Variants in DNAJB12 observed in about 807,000 individuals in gnomAD.
The protein encoded by DNAJB12 is dnaJ homolog subfamily B member 12.
Under a neutral mutation model 40.6 loss-of-function variants are expected in DNAJB12, and 14 were observed. That is an observed-to-expected ratio of 0.34 (90% CI 0.23 to 0.54). DNAJB12 has a LOEUF of 0.54. Among genes scored for constraint, DNAJB12 ranks in the 20% least tolerant of loss-of-function variants. The probability of loss-of-function intolerance (pLI) is 0.92; values close to 1 mark genes in which losing one functional copy is unlikely to be tolerated. For missense variants in DNAJB12, 444 were observed against 501.7 expected (o/e 0.89, Z 1.10); for synonymous variants, 181 against 199.5 (o/e 0.91, Z 0.78).
intron 3 of DNAJB12, among the ~76,000 whole-genome samples, chr10:72,341,842 C>T (rs1236005649): frequency 6.6e-6 from 1 of 152,222 alleles, no homozygotes; most frequent in African/African-American, 2.4e-5. Context: ...AGAGAAGTGA[C>T]TGCCTAAGCT....
intron 1 of DNAJB12, among the ~76,000 whole-genome samples, chr10:72,350,853 G>C (rs957580684): frequency 1.2e-4 from 19 of 152,302 alleles, no homozygotes; most frequent in East Asian, 3.9e-4. Context: ...AGTGCACAGT[G>C]GGGCTCATGA....
chr10:72,334,419 G>T lies in DNAJB12; in HGVS notation c.*229C>A. 1 of 803,124 alleles carries T rather than the reference G, an allele frequency of 1.2e-6. No individual in the cohort carries two copies. Among genetic ancestry groups the T allele is most frequent in the Non-Finnish European group, 2.0e-6 (1 of 497,090 alleles). The allele number at this position is 803,124 out of a possible 1,614,324, so 49.7% of individuals were successfully genotyped here. ...CGGAGCCTCCGCCAGCCCTGCGAGGGAGGGAAGCAGCCCCATGGCAGGTTT... is the reference window on the plus strand; with the variant it reads ...CGGAGCCTCCGCCAGCCCTGCGAGGTAGGGAAGCAGCCCCATGGCAGGTTT... On this transcript the variant is annotated 3_prime_UTR_variant, in exon 9 of 9. Coordinates refer to ENST00000444643, the MANE Select transcript of DNAJB12 (RefSeq NM_017626.7).
intron 3 of DNAJB12, among the ~76,000 whole-genome samples, chr10:72,342,175 G>T (rs571330256): frequency 1.3e-5 from 2 of 152,226 alleles, no homozygotes; most frequent in African/African-American, 2.4e-5. Flanking sequence ...ACTCTCTGGG[G>T]TCCAGGCCCC....
At chr10:72,339,020 G>A (rs970161699) in intron 5 of DNAJB12, among the ~76,000 whole-genome samples, 3 of 152,184 alleles carry the variant, frequency 2.0e-5, no homozygotes, top group South Asian at 2.1e-4. Context: ...AGCACTGTGG[G>A]AGGCTGAGGC....
rs1861390981 is a variant in DNAJB12, at chr10:72,333,959, A to C, written c.*689T>G. On this transcript the variant is annotated 3_prime_UTR_variant, in exon 9 of 9. Transcript: ENST00000444643. Reference sequence around the variant, plus strand: ...GGCTGGGGTTTCGGGGGGCTGTGAAAAGCTCTGATGCGACTCTCCTTATGC... The same window carrying C: ...GGCTGGGGTTTCGGGGGGCTGTGAACAGCTCTGATGCGACTCTCCTTATGC... The C allele has an allele frequency of 6.5e-6, 1 of 153,202 alleles. No individual in the cohort carries two copies. The highest frequency in any genetic ancestry group is 2.4e-5 in the African/African-American group (1 of 41,370). The allele number at this position is 153,202 out of a possible 1,614,324, so 9.5% of individuals were successfully genotyped here.
Position 72,350,340 on chromosome 10 carries a change from A to G in DNAJB12, c.133+4425T>C, listed in dbSNP as rs1861902318. ...CTTGGGCCTGGGTGGTTGAGGCTGC[A>G]GTGAGCTGTGATTGTGCCACTGCAC... On this transcript the variant is annotated intron_variant, in intron 1 of 8. Transcript: ENST00000444643. 2.2e-5 allele frequency among the ~76,000 whole-genome samples: 3 copies of G among 138,450 alleles called. No individual in the cohort carries two copies. In the South Asian group the frequency reaches 7.3e-4, roughly 34 times the overall value. The allele number at this position is 138,450 out of a possible 152,430, so 90.8% of individuals were successfully genotyped here.
At chr10:72,343,614 G>T in intron 2 of DNAJB12, 103 bp from the exon 3 acceptor site, 2 of 1,247,798 alleles carry the variant, frequency 1.6e-6, no homozygotes, top group Non-Finnish European at 2.3e-6. Context: ...CAGGCTGCGG[G>T]GGACCAACAG....
In DNAJB12 at chr10:72,351,692, T is replaced by C. The variant is rs993221359; in HGVS notation, c.133+3073A>G. Among the ~76,000 whole-genome samples the C allele has an allele frequency of 4.6e-5, 7 of 152,256 alleles. No homozygotes were observed. The East Asian group carries it at 1.3e-3, about 29-fold the overall frequency. ...CTGTGGGCTCAGGGCAGGTGTTGCC[T>C]GCCATTGTGCCTGCAGCAACTTTCT... On this transcript the variant is annotated intron_variant, in intron 1 of 8. Transcript: ENST00000444643.
rs1862006336 is a variant in DNAJB12, at chr10:72,354,216, T to C, written c.133+549A>G. 5 of 152,326 alleles carry C rather than the reference T, an allele frequency of 3.3e-5. No individual in the cohort carries two copies. The South Asian group carries it at 9.9e-4, about 30-fold the overall frequency. The allele number at this position is 152,326 out of a possible 1,614,324, so 9.4% of individuals were successfully genotyped here. A position where few individuals can be genotyped will look rare whatever the true frequency, so the allele number is the denominator to read the frequency against. On this transcript the variant is annotated intron_variant, in intron 1 of 8. Transcript: ENST00000444643. ...GACAGTCCGAGGCGGCGGACTGGGG[T>C]GGGTGCAAAGGCCGGCTTGCATTTT...
intron 1 of DNAJB12, among the ~76,000 whole-genome samples, chr10:72,349,495 G>A (rs1159313265): frequency 1.4e-4 from 22 of 152,360 alleles, no homozygotes; most frequent in Non-Finnish European, 4.4e-5. Context: ...ACCGAAAGAT[G>A]AAGAGATATT....
At chr10:72,345,686 A>C (rs1861768282) in intron 1 of DNAJB12, among the ~76,000 whole-genome samples, 1 of 151,906 alleles carries the variant, frequency 6.6e-6, no homozygotes, top group Non-Finnish European at 1.5e-5. Flanking sequence ...CAGCCCGGCC[A>C]ACATGGTGAA....
chr10:72,353,364 G>A (rs575649892), intron 1 of DNAJB12: 1 of 152,386 alleles, frequency 6.6e-6, no homozygotes, highest in Admixed American at 6.5e-5. Flanking sequence ...GGCAAATACA[G>A]CCCGAAACCC....
At chr10:72,337,107 C>T (rs1414761852) in intron 6 of DNAJB12, among the ~76,000 whole-genome samples, 1 of 152,188 alleles carries the variant, frequency 6.6e-6, no homozygotes, top group African/African-American at 2.4e-5. Flanking sequence ...GGCTTAGGAA[C>T]AAAATGACAG....
At chr10:72,344,000 C>T (rs914866444) in intron 2 of DNAJB12, among the ~76,000 whole-genome samples, 1 of 152,096 alleles carries the variant, frequency 6.6e-6, no homozygotes, top group African/African-American at 2.4e-5. Flanking sequence ...AGGGATCCTC[C>T]TGTCTCAGCC....
chr10:72,343,569 C>A, intron 2 of DNAJB12, 58 bp from the exon 3 acceptor site: 1 of 1,586,624 alleles, frequency 6.3e-7, no homozygotes, highest in Non-Finnish European at 8.6e-7. Context: ...GTGAGGGGGG[C>A]GATGAACAGG....
chr10:72,337,325 G>A (rs1023376763), intron 6 of DNAJB12, among the ~76,000 whole-genome samples: 9 of 152,306 alleles, frequency 5.9e-5, no homozygotes, highest in East Asian at 1.9e-4. Context: ...CCAGTGGACC[G>A]ACTCTGCCCC....
intron 1 of DNAJB12, among the ~76,000 whole-genome samples, chr10:72,351,585 C>T (rs1156330055): frequency 1.3e-5 from 2 of 152,382 alleles, no homozygotes; most frequent in East Asian, 1.9e-4. Context: ...ATTACCTCTC[C>T]ATGGCTACCT....
At chr10:72,350,398 CAAAAAAAAAAAAAAAA>C (rs35316232) in intron 1 of DNAJB12, among the ~76,000 whole-genome samples, 1 of 27,802 alleles carries the variant, frequency 3.6e-5, no homozygotes. Context: ...GACCCTGTCT[CAAAAAAAAAAAAAAAA>C]AAAAAAAAAA....
chr10:72,336,809 C>T, intron 6 of DNAJB12, 113 bp from the exon 7 acceptor site: 3 of 860,518 alleles, frequency 3.5e-6, no homozygotes, highest in Non-Finnish European at 5.4e-6. Context: ...TAGTTGGTTC[C>T]CTCTCAAACC....
Sources: allele counts gnomAD v4.1 joint callset (sites outside exome capture counted in the v4.1 genomes callset), GRCh38; gene constraint gnomAD v4.1.1; transcripts MANE v1.5; gene names NCBI Gene and HGNC (gene_info 2026-07-23, HGNC 2026-07-21).